USP13: variants seen among roughly 807,000 people sequenced by gnomAD.
USP13 encodes ubiquitin carboxyl-terminal hydrolase 13.
A neutral mutation model predicts 107.8 loss-of-function variants in USP13; 68 were observed. The observed-to-expected ratio is 0.63, with a 90% confidence interval of 0.52 to 0.77. The LOEUF (loss-of-function observed/expected upper bound fraction) is 0.77, where lower values mean the gene tolerates loss of function less well. Among genes scored for constraint, USP13 ranks in the 30% least tolerant of loss-of-function variants. The probability of loss-of-function intolerance (pLI) is 0.00; values close to 1 mark genes in which losing one functional copy is unlikely to be tolerated. For synonymous variants in USP13, 377 were observed against 389.5 expected (o/e 0.97, Z 0.38); for missense variants, 945 against 1,093.3 (o/e 0.86, Z 1.91).
chr3:179,667,424 G>GAC (rs1486124455), intron 1 of USP13, among the ~76,000 whole-genome samples: 2 of 152,154 alleles, frequency 1.3e-5, no homozygotes, highest in African/African-American at 4.8e-5. Context: ...AATAAGAAAT[G>GAC]ACTCTAAAAG....
intron 13 of USP13, among the ~76,000 whole-genome samples, chr3:179,746,430 A>AT (rs919371105): frequency 6.8e-6 from 1 of 146,694 alleles, no homozygotes; most frequent in African/African-American, 2.5e-5. Flanking sequence ...ATTTTTGTAT[A>AT]TTTTTTTTTG....
intron 15 of USP13, 45 bp from the exon 16 acceptor site, chr3:179,757,007 C>T (rs1714830065): frequency 6.2e-7 from 1 of 1,609,390 alleles, no homozygotes; most frequent in African/African-American, 1.3e-5. Flanking sequence ...TAAAACTCCT[C>T]AACATGGTTT....
chr3:179,730,389 G>A (rs1713758091), intron 9 of USP13, 129 bp downstream of exon 9: 6 of 1,052,310 alleles, frequency 5.7e-6, no homozygotes, highest in Non-Finnish European at 8.2e-6. Context: ...TCCAAAATGA[G>A]AATGTGTTAC....
chr3:179,768,763 G>A (rs1715255389), intron 19 of USP13, among the ~76,000 whole-genome samples: 1 of 152,124 alleles, frequency 6.6e-6, no homozygotes, highest in Non-Finnish European at 1.5e-5. Flanking sequence ...CATTTTTGCT[G>A]CTTCCACAAA....
intron 3 of USP13, among the ~76,000 whole-genome samples, chr3:179,696,887 C>CAT (rs975812317): frequency 9.9e-5 from 15 of 151,824 alleles, no homozygotes; most frequent in East Asian, 3.9e-4. Context: ...GCCCTAATTC[C>CAT]ATATATATAT....
At chr3:179,778,801 G>T (rs566981524) in intron 19 of USP13, among the ~76,000 whole-genome samples, 20 of 152,160 alleles carry the variant, frequency 1.3e-4, no homozygotes, top group Admixed American at 1.2e-3. Context: ...GACATGGCAG[G>T]TGTTACTTTC....
chr3:179,774,539 C>A (rs1419363909), intron 19 of USP13, among the ~76,000 whole-genome samples: 1 of 151,780 alleles, frequency 6.6e-6, no homozygotes. Context: ...TCCTCCTGTC[C>A]GGAGTTGCTC....
At chr3:179,743,459 G>A (rs901188607) in intron 12 of USP13, among the ~76,000 whole-genome samples, 3 of 151,806 alleles carry the variant, frequency 2.0e-5, no homozygotes, top group African/African-American at 7.3e-5. Flanking sequence ...TTGTGTGTGG[G>A]GGGTGGTGGG....
chr3:179,705,014 G>C (rs913563064), intron 4 of USP13, among the ~76,000 whole-genome samples: 1 of 152,142 alleles, frequency 6.6e-6, no homozygotes, highest in African/African-American at 2.4e-5. Flanking sequence ...GGAAGGCCAC[G>C]ATAAGGAGGT....
chr3:179,695,150 T>C (rs1351657235), intron 3 of USP13, among the ~76,000 whole-genome samples: 2 of 152,242 alleles, frequency 1.3e-5, no homozygotes, highest in Admixed American at 1.3e-4. Context: ...CAGAGCTCTC[T>C]TGCAGTTTCT....
intron 13 of USP13, 41 bp from the exon 14 acceptor site, chr3:179,752,244 T>G (rs773194720): frequency 6.4e-7 from 1 of 1,562,306 alleles, no homozygotes; most frequent in Non-Finnish European, 8.8e-7. Flanking sequence ...TCACAATTCT[T>G]ATTGCCTTGT....
rs139925304 is a variant in USP13 at position 179,691,153 on chromosome 3, C to T, written c.355+852C>T. On this transcript the variant is annotated intron_variant, in intron 3 of 20. Transcript: ENST00000263966. ...CTGCACTCCAGCCTGGGTGACAGAG[C>T]GGGATCCTGTCTTTAAAAAAAAAAA... 5.5e-3 allele frequency among the ~76,000 whole-genome samples: 750 copies of T among 135,910 alleles called. 6 individuals are homozygous for T. In the Middle Eastern group the frequency reaches 0.062, roughly 11 times the overall value. The allele number at this position is 135,910 out of a possible 152,430, so 89.2% of individuals were successfully genotyped here.
At chr3:179,701,363 G>T (rs1712517163) in intron 4 of USP13, among the ~76,000 whole-genome samples, 1 of 152,160 alleles carries the variant, frequency 6.6e-6, no homozygotes, top group Non-Finnish European at 1.5e-5. Flanking sequence ...TTCAAGTGCT[G>T]TTAGGGCTTT....
intron 1 of USP13, among the ~76,000 whole-genome samples, chr3:179,658,525 G>C (rs1201724404): frequency 3.3e-5 from 5 of 152,218 alleles, no homozygotes; most frequent in Non-Finnish European, 7.3e-5. Context: ...AGACAAGGCA[G>C]TTTATTTTGG....
At chr3:179,694,664 G>T (rs1712224306) in intron 3 of USP13, among the ~76,000 whole-genome samples, 1 of 152,080 alleles carries the variant, frequency 6.6e-6, no homozygotes, top group Non-Finnish European at 1.5e-5. Context: ...AGCTGGGCAT[G>T]GTGGCACATG....
chr3:179,770,012 T>G (rs367799829), intron 19 of USP13, among the ~76,000 whole-genome samples: 2 of 152,224 alleles, frequency 1.3e-5, no homozygotes, highest in East Asian at 1.9e-4. Flanking sequence ...CTGGTCACAC[T>G]GGTGACTTTC....
At chr3:179,687,357 A>ATCCT (rs1398228515) in intron 2 of USP13, among the ~76,000 whole-genome samples, 1 of 151,972 alleles carries the variant, frequency 6.6e-6, no homozygotes, top group Non-Finnish European at 1.5e-5. Flanking sequence ...AGTGCTCATT[A>ATCCT]TCCTTAAAAG....
chr3:179,701,693 T>C (rs1328328730), intron 4 of USP13, among the ~76,000 whole-genome samples: 2 of 152,214 alleles, frequency 1.3e-5, no homozygotes, highest in Non-Finnish European at 2.9e-5. Flanking sequence ...TTTTACTCCC[T>C]ATGTGAACTA....
intron 5 of USP13, among the ~76,000 whole-genome samples, chr3:179,708,423 T>C (rs2108482726): frequency 9.4e-6 from 1 of 106,028 alleles, no homozygotes; most frequent in African/African-American, 3.2e-5. Context: ...TCTCCCTGCC[T>C]TAGCCTCCCG....
Sources: gnomAD v4.1 joint callset for allele counts (sites outside exome capture counted in the v4.1 genomes callset) on GRCh38, gnomAD v4.1.1 for gene constraint, MANE v1.5 for transcripts, NCBI Gene and HGNC (gene_info 2026-07-23, HGNC 2026-07-21) for gene names.